PCDHGA8: variants seen among roughly 807,000 people sequenced by gnomAD.
PCDHGA8 encodes protocadherin gamma subfamily A, 8, also known as protocadherin gamma-A8.
Under a neutral mutation model 59.2 loss-of-function variants are expected in PCDHGA8, and 45 were observed. That is an observed-to-expected ratio of 0.76 (90% CI 0.60 to 0.98). The LOEUF is 0.98. Among genes scored for constraint, PCDHGA8 ranks in the 50% least tolerant of loss-of-function variants. The pLI, the probability that PCDHGA8 is intolerant of heterozygous loss-of-function variation, is 0.00. For synonymous variants in PCDHGA8, 531 were observed against 519.0 expected (o/e 1.02, Z -0.32); for missense variants, 1,257 against 1,196.2 (o/e 1.05, Z -0.75).
chr5:141,496,215 T>C (rs2099767024), intron 2 of PCDHGA8, among the ~76,000 whole-genome samples: 3 of 152,114 alleles, frequency 2.0e-5, no homozygotes, highest in Non-Finnish European at 4.4e-5. Context: ...TATGAATTCC[T>C]GCTGAGACAG....
chr5:141,395,886 C>A (rs538799478), intron 1 of PCDHGA8: 1 of 152,168 alleles, frequency 6.6e-6, no homozygotes, highest in East Asian at 1.9e-4. Context: ...TCAGTGGTCA[C>A]CTGGGCTCCA....
intron 3 of PCDHGA8, among the ~76,000 whole-genome samples, chr5:141,510,378 C>A (rs919650449): frequency 6.6e-6 from 1 of 151,786 alleles, no homozygotes; most frequent in East Asian, 2.0e-4. Flanking sequence ...TCTACTCGTG[C>A]CAGGCCTTGC....
chr5:141,455,343 G>T (rs1462807460), intron 1 of PCDHGA8, among the ~76,000 whole-genome samples: 1 of 152,036 alleles, frequency 6.6e-6, no homozygotes, highest in Non-Finnish European at 1.5e-5. Flanking sequence ...TTTAAGGAGC[G>T]GAGAGTTTAA....
chr5:141,413,272 C>T lies in PCDHGA8; in HGVS notation c.2424+18035C>T, dbSNP rs753942667. Reference sequence around the variant, plus strand: ...CGGGATTCCATGGGAGGCTGGAGCCCGGCAGATCTCCTACTCAATTCCTGA... The same window carrying T: ...CGGGATTCCATGGGAGGCTGGAGCCTGGCAGATCTCCTACTCAATTCCTGA... On this transcript the variant is annotated intron_variant, in intron 1 of 3. Coordinates refer to ENST00000398604, the MANE Select transcript of PCDHGA8 (RefSeq NM_032088.2). 8.1e-6 allele frequency: 13 copies of T among 1,613,944 alleles called. No individual in the cohort carries two copies. In the South Asian group the frequency reaches 1.4e-4, roughly 18 times the overall value.
At chr5:141,433,358 C>CCTAG (rs1554125965) in intron 1 of PCDHGA8, 2 of 498,106 alleles carry the variant, frequency 4.0e-6, no homozygotes, top group African/African-American at 4.2e-5. Flanking sequence ...CTACTGTCTG[C>CCTAG]CTATCTATCT....
At position 141,499,027 on chromosome 5, in the gene PCDHGA8, A is replaced by AG. The variant is rs1323149397; in HGVS notation, c.2483+4163dup. 7.4e-3 allele frequency among the ~76,000 whole-genome samples: 1,116 copies of AG among 149,928 alleles called. 12 individuals are homozygous for AG. Among genetic ancestry groups the AG allele is most frequent in the African/African-American group, 0.026 (1,074 of 40,604 alleles). On this transcript the variant is annotated intron_variant, in intron 2 of 3. Transcript: ENST00000398604. ...AAGGAAGGAAGGAAGGAAGGAAGGA[A>AG]GAAAAGAAAGAAAAAGGGAGAAAAA...
chr5:141,399,773 G>A (rs750173338), intron 1 of PCDHGA8: 3 of 1,613,302 alleles, frequency 1.9e-6, no homozygotes, highest in Admixed American at 1.7e-5. Flanking sequence ...GTGTTGGTGG[G>A]CGACCGAAAC....
At chr5:141,463,438 C>CTTTTTT (rs71576115) in intron 1 of PCDHGA8, among the ~76,000 whole-genome samples, 4 of 103,256 alleles carry the variant, frequency 3.9e-5, no homozygotes, top group African/African-American at 1.3e-4. Context: ...TTTCCTTCTC[C>CTTTTTT]TTTTTTTTTT....
At chr5:141,458,509 CTTTG>C (rs1327998402) in intron 1 of PCDHGA8, among the ~76,000 whole-genome samples, 2 of 149,986 alleles carry the variant, frequency 1.3e-5, no homozygotes. Context: ...CTGTTTGACA[CTTTG>C]TTTTTTTTTT....
chr5:141,435,906 A>C (rs1246100275), intron 1 of PCDHGA8, among the ~76,000 whole-genome samples: 1 of 152,182 alleles, frequency 6.6e-6, no homozygotes, highest in African/African-American at 2.4e-5. Context: ...AAAGACATCC[A>C]AGGGCTCTAA....
chr5:141,427,854 TGC>T (rs2097079964), intron 1 of PCDHGA8: 1 of 1,553,594 alleles, frequency 6.4e-7, no homozygotes, highest in Non-Finnish European at 8.8e-7. Context: ...CGAGCAGCTG[TGC>T]GCCTTCGAGC....
At chr5:141,403,138 C>G in intron 1 of PCDHGA8, 1 of 1,614,036 alleles carries the variant, frequency 6.2e-7, no homozygotes, top group Non-Finnish European at 8.5e-7. Context: ...TGGCGGAGCG[C>G]CGAGTCCGCA....
intron 1 of PCDHGA8, chr5:141,428,189 CTCTCTGCGCCGCTACGCTTCACCTAG>C: frequency 7.0e-7 from 1 of 1,429,262 alleles, no homozygotes; most frequent in Non-Finnish European, 9.7e-7. Flanking sequence ...ACAGCCGCCG[CTCTCTGCGCCGCTACGCTTCACCTAG>C]TCTTCGCAGA....
intron 1 of PCDHGA8, chr5:141,403,870 T>A: frequency 6.2e-7 from 1 of 1,613,498 alleles, no homozygotes; most frequent in African/African-American, 1.3e-5. Flanking sequence ...CAGCAAAAAG[T>A]CTAGATTATG....
Position 141,392,725 on chromosome 5 carries a change from A to G in PCDHGA8, c.-89A>G. The G allele has an allele frequency of 7.1e-7, 1 of 1,399,540 alleles. No individual in the cohort carries two copies. The highest frequency in any genetic ancestry group is 1.6e-5 in the South Asian group (1 of 63,682). The allele number at this position is 1,399,540 out of a possible 1,614,324, so 86.7% of individuals were successfully genotyped here. A position where few individuals can be genotyped will look rare whatever the true frequency, so the allele number is the denominator to read the frequency against. ...TGGAGGCACTCCAGGTTTCCGGAGG[A>G]TTGTCATCTCCATAGCTGCGGCAAG... On this transcript the variant is annotated 5_prime_UTR_variant, in exon 1 of 4. Coordinates refer to ENST00000398604, the MANE Select transcript of PCDHGA8 (RefSeq NM_032088.2).
chr5:141,448,329 A>T (rs1166759766), intron 1 of PCDHGA8, among the ~76,000 whole-genome samples: 1 of 152,146 alleles, frequency 6.6e-6, no homozygotes, highest in Non-Finnish European at 1.5e-5. Context: ...TTGAATCTTT[A>T]TAGCCATGTA....
intron 1 of PCDHGA8, chr5:141,415,641 T>TAA (rs113784532): frequency 8.4e-5 from 108 of 1,280,644 alleles, no homozygotes; most frequent in African/African-American, 8.0e-4. Flanking sequence ...TTACTTTTGT[T>TAA]AAAAAAAAAA....
chr5:141,476,839 G>A lies in PCDHGA8; in HGVS notation c.2425-17968G>A, dbSNP rs372676286. The A allele has an allele frequency of 5.0e-6, 8 of 1,613,490 alleles. No homozygotes were observed. Among genetic ancestry groups the A allele is most frequent in the South Asian group, 1.1e-5 (1 of 91,088 alleles). On this transcript the variant is annotated intron_variant, in intron 1 of 3. Transcript: ENST00000398604. The surrounding 1 kb of genome is among the most constrained non-coding windows in gnomAD (Gnocchi z 7.6). ...AGGTGCTGGACGCGAATGACAATGC[G>A]CCTGTCTTCAACCAGTCCTTGTACC...
chr5:141,482,661 T>A (rs1215403061), intron 1 of PCDHGA8, among the ~76,000 whole-genome samples: 2 of 151,742 alleles, frequency 1.3e-5, no homozygotes, highest in African/African-American at 4.9e-5. Flanking sequence ...TGAGCTATGA[T>A]CTAAAGGTTG....
Sources: gnomAD v4.1 joint callset for allele counts (sites outside exome capture counted in the v4.1 genomes callset) on GRCh38, gnomAD v4.1.1 for gene constraint, Gnocchi (gnomAD v3.1) non-coding constraint, MANE v1.5 for transcripts, NCBI Gene and HGNC (gene_info 2026-07-23, HGNC 2026-07-21) for gene names.